Variants in STK32B observed in about 807,000 individuals in gnomAD.
STK32B encodes serine/threonine-protein kinase 32B.
STK32B carries 43 observed loss-of-function variants against 52.6 expected under a neutral mutation model. The ratio of observed to expected loss-of-function variants is 0.82; its 90% CI spans 0.64 to 1.05. The LOEUF (loss-of-function observed/expected upper bound fraction) is 1.05, where lower values mean the gene tolerates loss of function less well. STK32B is among the 50% of genes least tolerant of loss of function. The pLI, the probability that STK32B is intolerant of heterozygous loss-of-function variation, is 0.00. For synonymous variants in STK32B, 238 were observed against 204.3 expected (o/e 1.17, Z -1.41); for missense variants, 621 against 534.6 (o/e 1.16, Z -1.59).
intron 11 of STK32B, among the ~76,000 whole-genome samples, chr4:5,474,647 A>G (rs1262422718): frequency 1.3e-5 from 2 of 152,216 alleles, no homozygotes; most frequent in African/African-American, 4.8e-5. Flanking sequence ...GGTTCTGTCC[A>G]GTCTTTGAAT....
intron 3 of STK32B, among the ~76,000 whole-genome samples, chr4:5,255,224 T>A (rs1415382205): frequency 6.6e-6 from 1 of 152,158 alleles, no homozygotes; most frequent in Non-Finnish European, 1.5e-5. Flanking sequence ...CTTGCCTGCT[T>A]GTTCAGGGTT....
At chr4:5,364,569 C>T (rs973422566) in intron 4 of STK32B, among the ~76,000 whole-genome samples, 2 of 152,166 alleles carry the variant, frequency 1.3e-5, no homozygotes, top group African/African-American at 4.8e-5. Context: ...GCACAACTAG[C>T]CAAGAGAAAA....
chr4:5,381,512 C>G (rs543344220), intron 4 of STK32B, among the ~76,000 whole-genome samples: 7 of 152,162 alleles, frequency 4.6e-5, no homozygotes, highest in Non-Finnish European at 1.0e-4. Context: ...TGAGATCATG[C>G]CCGTGCAGTA....
intron 1 of STK32B, among the ~76,000 whole-genome samples, chr4:5,055,130 C>A (rs566063539): frequency 1.3e-5 from 2 of 152,270 alleles, no homozygotes; most frequent in African/African-American, 2.4e-5. Context: ...CACTCTGTCA[C>A]CCAGGCTGGA....
At chr4:5,164,898 T>A (rs150034669) in intron 2 of STK32B, among the ~76,000 whole-genome samples, 53 of 152,346 alleles carry the variant, frequency 3.5e-4, no homozygotes, top group African/African-American at 1.2e-3. Flanking sequence ...TTTTTCTCTT[T>A]TAGCCTCTAT....
chr4:5,081,363 T>C (rs1119781), intron 1 of STK32B, among the ~76,000 whole-genome samples: 137,853 of 152,134 alleles, frequency 0.91, 64,029 homozygotes, highest in South Asian at 1. Flanking sequence ...TGGGTTCAAC[T>C]ACTTGAAACC....
intron 3 of STK32B, among the ~76,000 whole-genome samples, chr4:5,225,163 A>C (rs1293400543): frequency 6.6e-6 from 1 of 152,210 alleles, no homozygotes. Context: ...TCACACCTGT[A>C]ATCCCAGCAC....
intron 3 of STK32B, among the ~76,000 whole-genome samples, chr4:5,211,764 A>G (rs1452581051): frequency 6.6e-6 from 1 of 152,244 alleles, no homozygotes; most frequent in Non-Finnish European, 1.5e-5. Flanking sequence ...TGCTTCACAG[A>G]GTAAAATGCA....
intron 11 of STK32B, among the ~76,000 whole-genome samples, chr4:5,473,449 C>T (rs1717999385): frequency 6.6e-6 from 1 of 152,178 alleles, no homozygotes; most frequent in African/African-American, 2.4e-5. Context: ...GTACATCCGT[C>T]CTCTGAGCTG....
chr4:5,370,717 GCA>G (rs1560359795), intron 4 of STK32B, among the ~76,000 whole-genome samples: 10 of 152,226 alleles, frequency 6.6e-5, no homozygotes, highest in African/African-American at 2.4e-4. Flanking sequence ...TGACAGCCGG[GCA>G]TAGTGGCTCA....
rs147911131 is a variant in STK32B, at chr4:5,408,817, G to T, written c.473-8028G>T. Reference sequence around the variant, plus strand: ...TGGAATGAGTTAGGAGCAGAGTAGAGGAAGCAGTGGTCTTGCCACCCCATG... The same window carrying T: ...TGGAATGAGTTAGGAGCAGAGTAGATGAAGCAGTGGTCTTGCCACCCCATG... On this transcript the variant is annotated intron_variant, in intron 5 of 11. Transcript: ENST00000282908. 3.8e-4 allele frequency among the ~76,000 whole-genome samples: 58 copies of T among 152,268 alleles called. 1 individual carries two copies. In the East Asian group the frequency reaches 0.011, roughly 29 times the overall value.
At chr4:5,341,012 A>T (rs1733037634) in intron 4 of STK32B, among the ~76,000 whole-genome samples, 1 of 152,228 alleles carries the variant, frequency 6.6e-6, no homozygotes, top group East Asian at 1.9e-4. Flanking sequence ...CTTTGAAACA[A>T]GGCGTTCAAA....
At chr4:5,027,637 G>T in the STK32B span, among the ~76,000 whole-genome samples, 1 of 150,082 alleles carries the variant, frequency 6.7e-6, no homozygotes, top group Non-Finnish European at 1.5e-5. Context: ...CTGTGGTTTT[G>T]GTTTTTGTTC....
At chr4:5,265,010 C>T (rs1726970225) in intron 3 of STK32B, among the ~76,000 whole-genome samples, 1 of 152,154 alleles carries the variant, frequency 6.6e-6, no homozygotes, top group Non-Finnish European at 1.5e-5. Flanking sequence ...TTATTACCTA[C>T]CTCATATCAC....
At position 5,386,988 on chromosome 4, in the gene STK32B, G is replaced by A. The variant is rs550638378; in HGVS notation, c.435-11219G>A. On this transcript the variant is annotated intron_variant, in intron 4 of 11. Coordinates refer to ENST00000282908, the MANE Select transcript of STK32B (RefSeq NM_018401.3). This position sits in a 1 kb window ranked among gnomAD's most constrained non-coding sequence, Gnocchi z 4.5. Reference sequence around the variant, plus strand: ...TCACAGGCCCAGCCACTTGGAGCCCGCTGGGAAGGCTGGATCCAGGAGGAA... The same window carrying A: ...TCACAGGCCCAGCCACTTGGAGCCCACTGGGAAGGCTGGATCCAGGAGGAA... 1.4e-4 allele frequency among the ~76,000 whole-genome samples: 21 copies of A among 152,332 alleles called. No individual in the cohort carries two copies. The highest frequency in any genetic ancestry group is 4.1e-4 in the African/African-American group (17 of 41,578).
chr4:5,388,267 AC>A (rs1736387011), intron 4 of STK32B, among the ~76,000 whole-genome samples: 7 of 152,088 alleles, frequency 4.6e-5, no homozygotes. Context: ...TCTTTCTGCC[AC>A]CTCCTTTTCC....
chr4:5,045,525 T>C, the STK32B span, among the ~76,000 whole-genome samples: 20 of 152,324 alleles, frequency 1.3e-4, no homozygotes, highest in East Asian at 3.7e-3. Context: ...TTTTATGATA[T>C]TGATTCTTCC....
chr4:5,298,421 A>G (rs540815762), intron 3 of STK32B, among the ~76,000 whole-genome samples: 1 of 151,872 alleles, frequency 6.6e-6, no homozygotes, highest in Admixed American at 6.6e-5. Flanking sequence ...TCCCAGGGAG[A>G]TGGAGGTTTT....
intron 6 of STK32B, among the ~76,000 whole-genome samples, chr4:5,421,061 G>A (rs77442950): frequency 6.8e-6 from 1 of 146,102 alleles, no homozygotes; most frequent in Non-Finnish European, 1.5e-5. Context: ...CACCATGCCT[G>A]GCTAATTTTT....
Sources: allele counts gnomAD v4.1 joint callset (sites outside exome capture counted in the v4.1 genomes callset), GRCh38; gene constraint gnomAD v4.1.1; non-coding constraint Gnocchi (gnomAD v3.1); transcripts MANE v1.5; gene names NCBI Gene and HGNC (gene_info 2026-07-23, HGNC 2026-07-21).